The following RBMS3 variants were observed in gnomAD, a reference collection of about 807,000 sequenced individuals.
The protein encoded by RBMS3 is RNA binding motif single stranded interacting protein 3.
A neutral mutation model predicts 66.8 loss-of-function variants in RBMS3; 27 were observed. The observed-to-expected ratio is 0.40, with a 90% CI of 0.30 to 0.56. The LOEUF (loss-of-function observed/expected upper bound fraction) is 0.56. Among genes scored for constraint, RBMS3 ranks in the 20% least tolerant of loss-of-function variants. The pLI, the probability that RBMS3 is intolerant of heterozygous loss-of-function variation, is 0.40. For missense variants in RBMS3, 513 were observed against 549.5 expected (o/e 0.93, Z 0.66); for synonymous variants, 188 against 183.0 (o/e 1.03, Z -0.22).
intron 1 of RBMS3, among the ~76,000 whole-genome samples, chr3:29,292,054 A>G (rs1481732403): frequency 6.6e-6 from 1 of 151,696 alleles, no homozygotes; most frequent in African/African-American, 2.4e-5. Flanking sequence ...ACCATCCCCC[A>G]ATGCTGGAGG....
intron 4 of RBMS3, among the ~76,000 whole-genome samples, chr3:29,607,920 A>C (rs2048365659): frequency 6.6e-6 from 1 of 151,988 alleles, no homozygotes; most frequent in African/African-American, 2.4e-5. Flanking sequence ...AGGTATATGC[A>C]TATTTTGTGT....
At chr3:29,959,718 G>A (rs145955996) in intron 12 of RBMS3, among the ~76,000 whole-genome samples, 3,235 of 152,110 alleles carry the variant, frequency 0.021, 106 homozygotes, top group African/African-American at 0.072. Flanking sequence ...ACTTACAATC[G>A]TGGTGGAAGG....
At chr3:29,501,941 A>C (rs2043990818) in intron 3 of RBMS3, among the ~76,000 whole-genome samples, 1 of 152,010 alleles carries the variant, frequency 6.6e-6, no homozygotes, top group Admixed American at 6.6e-5. Context: ...GGTGTCAGAG[A>C]TATATTTATA....
intron 2 of RBMS3, among the ~76,000 whole-genome samples, chr3:29,455,165 G>A (rs2042143024): frequency 6.6e-6 from 1 of 152,110 alleles, no homozygotes; most frequent in African/African-American, 2.4e-5. Flanking sequence ...ATACATGTAT[G>A]TTCCCGTTTC....
Position 30,004,131 on chromosome 3 carries a change from A to G in RBMS3, c.*269A>G, listed in dbSNP as rs973583924. 16 of 307,904 alleles carry G rather than the reference A, an allele frequency of 5.2e-5. No homozygotes were observed. In the East Asian group the frequency reaches 8.1e-4, roughly 16 times the overall value. 19.1% of individuals were successfully genotyped at this position (307,904 alleles called of 1,614,324 possible). A position where few individuals can be genotyped will look rare whatever the true frequency, so the allele number is the denominator to read the frequency against. On this transcript the variant is annotated 3_prime_UTR_variant, in exon 15 of 15. Transcript: ENST00000383767. ...AGAAGAGGAAAAAAAAACTACAAAA[A>G]ACAAAACATTGAAGGTTGATATTTT... is the stretch of plus-strand genomic sequence containing the variant.
At chr3:29,951,910 A>G (rs1222678255) in intron 12 of RBMS3, among the ~76,000 whole-genome samples, 1 of 151,792 alleles carries the variant, frequency 6.6e-6, no homozygotes, top group Non-Finnish European at 1.5e-5. Flanking sequence ...GGCCTAAAAC[A>G]TACACATGAA....
At chr3:29,780,086 A>T (rs1197958916) in intron 6 of RBMS3, among the ~76,000 whole-genome samples, 1 of 151,968 alleles carries the variant, frequency 6.6e-6, no homozygotes, top group Admixed American at 6.6e-5. Flanking sequence ...GATGAAAGGT[A>T]TTTCCAAGCA....
chr3:29,785,215 A>C (rs13063383), intron 6 of RBMS3, among the ~76,000 whole-genome samples: 32,381 of 152,024 alleles, frequency 0.21, 3,995 homozygotes, highest in African/African-American at 0.33. Context: ...CATAGCAAAA[A>C]AAGAAAACTA....
chr3:29,954,000 C>G (rs981448252), intron 12 of RBMS3, among the ~76,000 whole-genome samples: 4 of 151,734 alleles, frequency 2.6e-5, no homozygotes, highest in Admixed American at 6.6e-5. Context: ...TTCTTGATTT[C>G]ATCTGCCTCA....
chr3:29,846,025 G>A (rs138776234), intron 6 of RBMS3, among the ~76,000 whole-genome samples: 5 of 151,990 alleles, frequency 3.3e-5, no homozygotes, highest in Non-Finnish European at 5.9e-5. Flanking sequence ...TGTTAGAAAT[G>A]AGACTGTAAA....
chr3:29,868,753 T>A (rs2059419343), intron 6 of RBMS3, 105 bp from the exon 7 acceptor site: 4 of 992,364 alleles, frequency 4.0e-6, no homozygotes, highest in Admixed American at 2.5e-5. Flanking sequence ...AGAAGCAAGA[T>A]GTTACTTCAA....
At chr3:29,483,215 A>G (rs909598294) in intron 2 of RBMS3, among the ~76,000 whole-genome samples, 1 of 150,248 alleles carries the variant, frequency 6.7e-6, no homozygotes, top group African/African-American at 2.4e-5. Flanking sequence ...AGGCTGAGGC[A>G]GGAGAATGGC....
chr3:29,961,824 A>C (rs1419394919), intron 12 of RBMS3, among the ~76,000 whole-genome samples: 1 of 151,708 alleles, frequency 6.6e-6, no homozygotes, highest in African/African-American at 2.4e-5. Flanking sequence ...GATTATGGGA[A>C]CTACAATTCA....
chr3:29,536,042 C>T (rs909084249), intron 3 of RBMS3, among the ~76,000 whole-genome samples: 3 of 151,990 alleles, frequency 2.0e-5, no homozygotes, highest in Non-Finnish European at 4.4e-5. Flanking sequence ...ATATGTTACC[C>T]ACTACAAATG....
intron 6 of RBMS3, among the ~76,000 whole-genome samples, chr3:29,854,235 G>A (rs2059016386): frequency 6.6e-6 from 1 of 152,244 alleles, no homozygotes; most frequent in African/African-American, 2.4e-5. Flanking sequence ...CTCCACCCCA[G>A]CCACAGTGTG....
chr3:29,818,931 A>G (rs1260334752), intron 6 of RBMS3, among the ~76,000 whole-genome samples: 1 of 152,202 alleles, frequency 6.6e-6, no homozygotes, highest in Non-Finnish European at 1.5e-5. Context: ...GAAAACCCAC[A>G]TAACTAAAAT....
chr3:29,872,619 G>A (rs969489678), intron 7 of RBMS3, among the ~76,000 whole-genome samples: 2 of 152,082 alleles, frequency 1.3e-5, no homozygotes, highest in African/African-American at 2.4e-5. Context: ...GCAACTTGTT[G>A]GTATATTAAA....
At chr3:29,694,043 A>G (rs191377710) in intron 4 of RBMS3, among the ~76,000 whole-genome samples, 1 of 152,324 alleles carries the variant, frequency 6.6e-6, no homozygotes, top group Non-Finnish European at 1.5e-5. Flanking sequence ...AGGAACACTT[A>G]CGCAGTGAAC....
At chr3:29,839,330 G>A (rs2058607179) in intron 6 of RBMS3, among the ~76,000 whole-genome samples, 1 of 152,090 alleles carries the variant, frequency 6.6e-6, no homozygotes, top group African/African-American at 2.4e-5. Context: ...TCCCTGCGGT[G>A]GCTCTCATAG....
Sources: gnomAD v4.1 joint callset for allele counts (sites outside exome capture counted in the v4.1 genomes callset) on GRCh38, gnomAD v4.1.1 for gene constraint, MANE v1.5 for transcripts, NCBI Gene and HGNC (gene_info 2026-07-23, HGNC 2026-07-21) for gene names.